The following GABBR1 variants were observed in gnomAD, a reference collection of about 807,000 sequenced individuals.
GABBR1 encodes gamma-aminobutyric acid type B receptor subunit 1, also known as GABA-B receptor, R1 subunit.
Under a neutral mutation model 117.7 loss-of-function variants are expected in GABBR1, and 35 were observed. The observed-to-expected ratio is 0.30, with a 90% confidence interval of 0.23 to 0.39. The LOEUF is 0.39. Among genes scored for constraint, GABBR1 ranks in the 10% least tolerant of loss-of-function variants. The probability of loss-of-function intolerance (pLI) is 1.00; values close to 1 mark genes in which losing one functional copy is unlikely to be tolerated. For missense variants in GABBR1, 709 were observed against 1,241.8 expected (o/e 0.57, Z 6.45); for synonymous variants, 442 against 486.6 (o/e 0.91, Z 1.21).
intron 6 of GABBR1, among the ~76,000 whole-genome samples, chr6:29,625,618 T>C (rs768917968): frequency 2.0e-5 from 3 of 152,176 alleles, no homozygotes; most frequent in East Asian, 1.9e-4. Context: ...CTCATTCCAA[T>C]TGACACATTC....
In GABBR1 at chr6:29,627,870, G is replaced by T; in HGVS notation, c.497-224C>A. On this transcript the variant is annotated intron_variant, in intron 5 of 22. Coordinates refer to ENST00000377034, the MANE Select transcript of GABBR1 (RefSeq NM_001470.4). This position sits in a 1 kb window ranked among gnomAD's most constrained non-coding sequence, Gnocchi z 4.4. ...CTTTTCCTGGGGAGGGCTGCTAAGAGGGTGCCGGGGAGGCGCCTCCATCCC... is the reference window on the plus strand; with the variant it reads ...CTTTTCCTGGGGAGGGCTGCTAAGATGGTGCCGGGGAGGCGCCTCCATCCC... 7.3e-7 allele frequency: 1 copy of T among 1,371,980 alleles called. No homozygotes were observed. Among genetic ancestry groups the T allele is most frequent in the Non-Finnish European group, 9.3e-7 (1 of 1,070,432 alleles). The allele number at this position is 1,371,980 out of a possible 1,614,324, so 85.0% of individuals were successfully genotyped here. A position where few individuals can be genotyped will look rare whatever the true frequency, so the allele number is the denominator to read the frequency against.
At position 29,609,372 on chromosome 6, in the gene GABBR1, G is replaced by A. The variant is rs549986688; in HGVS notation, c.1716C>T (p.Ser572=). 28 of 1,612,846 alleles carry A rather than the reference G, an allele frequency of 1.7e-5. No individual in the cohort carries two copies. Among genetic ancestry groups the A allele is most frequent in the East Asian group, 4.5e-5 (2 of 44,870 alleles). The change falls in exon 15 of 23, where the codon TCC becomes TCT. Residue 572 remains serine (S), a synonymous_variant. Coordinates refer to ENST00000377034, the MANE Select transcript of GABBR1 (RefSeq NM_001470.4). The surrounding 1 kb of genome is among the most constrained non-coding windows in gnomAD (Gnocchi z 4.3). ...TGACCAGGGTCTGGTCAGCTGGGGG[G>A]GACCCTCCTGCATGGCACAGGGGAG... ...WSKTDKWIGG[S]PPADQTLVIK...
intron 14 of GABBR1, among the ~76,000 whole-genome samples, chr6:29,610,101 G>T (rs1762387375): frequency 6.7e-6 from 1 of 149,444 alleles, no homozygotes; most frequent in Non-Finnish European, 1.5e-5. Flanking sequence ...AACTCCAGCA[G>T]TGCTGGGAAT....
chr6:29,609,471 C>T lies in GABBR1; in HGVS notation c.1709-92G>A. On this transcript the variant is annotated intron_variant, in intron 14 of 22. Transcript: ENST00000377034. This position sits in a 1 kb window ranked among gnomAD's most constrained non-coding sequence, Gnocchi z 4.3. ...CGGGATAGGAGAAAAGGGCAAAGAA[C>T]TAGATTGCTGATGGACATTCAGTCA... The T allele has an allele frequency of 9.1e-7, 1 of 1,096,100 alleles. No homozygotes were observed. Among genetic ancestry groups the T allele is most frequent in the Non-Finnish European group, 1.3e-6 (1 of 743,188 alleles). The allele number at this position is 1,096,100 out of a possible 1,614,324, so 67.9% of individuals were successfully genotyped here.
In GABBR1 at chr6:29,621,045, C is replaced by T. The variant is rs1763701294; in HGVS notation, c.1323+56G>A. On this transcript the variant is annotated intron_variant, in intron 11 of 22. Transcript: ENST00000377034. This position sits in a 1 kb window ranked among gnomAD's most constrained non-coding sequence, Gnocchi z 5.0. ...CCTGCCACCCTTTCCCCTGCAAGGCCCCCTCAGTCCTCTCCACCCTCCCAG... is the reference window on the plus strand; with the variant it reads ...CCTGCCACCCTTTCCCCTGCAAGGCTCCCTCAGTCCTCTCCACCCTCCCAG... 2 of 1,498,906 alleles carry T rather than the reference C, an allele frequency of 1.3e-6. No homozygotes were observed. The highest frequency in any genetic ancestry group is 1.8e-6 in the Non-Finnish European group (2 of 1,099,794). 92.9% of individuals were successfully genotyped at this position (1,498,906 alleles called of 1,614,324 possible). A position where few individuals can be genotyped will look rare whatever the true frequency, so the allele number is the denominator to read the frequency against.
rs779555997 is a variant in GABBR1, at chr6:29,612,515, C to A, written c.1630+36G>T. 9 of 1,595,600 alleles carry A rather than the reference C, an allele frequency of 5.6e-6. No homozygotes were observed. The African/African-American group carries it at 8.1e-5, about 14-fold the overall frequency. The stretch of plus-strand genomic sequence containing the variant: ...GCATCCCAGCCCAGCCCCAGCCTAG[C>A]CCCCATGTCCGGTCCCCTCCTGCCC... On this transcript the variant is annotated intron_variant, in intron 13 of 22. Coordinates refer to ENST00000377034, the MANE Select transcript of GABBR1 (RefSeq NM_001470.4).
rs1330145406 is a variant in GABBR1, at chr6:29,605,619, C to T, written c.2389G>A (p.Glu797Lys). ...ACAGCCCGGTGATCATTGATCTTCT[C>T]AGTGGACACACTCTTGGTCTCATAA... ...LAYETKSVST[E>K]KINDHRAVGM... Residue 797 changes from glutamate (E) to lysine (K), a missense_variant, in exon 20 of 23, where the codon GAG becomes AAG. Physicochemically the swap from Glu to Lys is moderately conservative, Grantham distance 56. Coordinates refer to ENST00000377034, the MANE Select transcript of GABBR1 (RefSeq NM_001470.4). The surrounding 1 kb of genome is among the most constrained non-coding windows in gnomAD (Gnocchi z 4.2). 6.2e-7 allele frequency: 1 copy of T among 1,612,986 alleles called. No homozygotes were observed. Among genetic ancestry groups the T allele is most frequent in the Non-Finnish European group, 8.5e-7 (1 of 1,180,022 alleles).
rs935424089 is a variant in GABBR1 at position 29,611,258 on chromosome 6, C to A, written c.1631-257G>T. The A allele has an allele frequency of 2.4e-6, 1 of 415,506 alleles. No homozygotes were observed. Among genetic ancestry groups the A allele is most frequent in the Admixed American group, 3.9e-5 (1 of 25,464 alleles). The allele number at this position is 415,506 out of a possible 1,614,324, so 25.7% of individuals were successfully genotyped here. On this transcript the variant is annotated intron_variant, in intron 13 of 22. Transcript: ENST00000377034. This position sits in a 1 kb window ranked among gnomAD's most constrained non-coding sequence, Gnocchi z 4.6. Reference sequence around the variant, plus strand: ...AAAAGTCTTCAGTGAGGAGGCTCCACAACATGTCTGCCACCTATTCCATTC... The same window carrying A: ...AAAAGTCTTCAGTGAGGAGGCTCCAAAACATGTCTGCCACCTATTCCATTC...
chr6:29,630,673 G>A lies in GABBR1; in HGVS notation c.290-30C>T, dbSNP rs1277492289. ...GGAGAGATAGGAAAATAAGAAGAGA[G>A]GCGAGTTGAAGAAGGCTCTTTCCCT... On this transcript the variant is annotated intron_variant, in intron 3 of 22. Transcript: ENST00000377034. The surrounding 1 kb of genome is among the most constrained non-coding windows in gnomAD (Gnocchi z 4.9). 2 of 1,584,250 alleles carry A rather than the reference G, an allele frequency of 1.3e-6. No homozygotes were observed. Among genetic ancestry groups the A allele is most frequent in the African/African-American group, 1.3e-5 (1 of 74,256 alleles).
At chr6:29,610,536 C>T (rs1431130103) in intron 14 of GABBR1, among the ~76,000 whole-genome samples, 3 of 152,000 alleles carry the variant, frequency 2.0e-5, no homozygotes, top group Admixed American at 2.0e-4. Flanking sequence ...TTTAAGCAAC[C>T]GTTTTCCTGA....
rs1761826382 is a variant in GABBR1 at position 29,605,207 on chromosome 6, G to A, written c.2440-219C>T. 1 of 587,790 alleles carries A rather than the reference G, an allele frequency of 1.7e-6. No homozygotes were observed. Among genetic ancestry groups the A allele is most frequent in the African/African-American group, 1.9e-5 (1 of 53,760 alleles). 36.4% of individuals were successfully genotyped at this position (587,790 alleles called of 1,614,324 possible). ...TTGGTTAACCCCTCCCCTCAAGGCA[G>A]GAACTCCCAGGATCTCTATGCACAG... On this transcript the variant is annotated intron_variant, in intron 20 of 22. Transcript: ENST00000377034. The surrounding 1 kb of genome is among the most constrained non-coding windows in gnomAD (Gnocchi z 4.2).
rs1762065818 is a variant in GABBR1, at chr6:29,607,331, A to ATGG, written c.1993-116_1993-114dup. 2 of 807,120 alleles carry ATGG rather than the reference A, an allele frequency of 2.5e-6. No individual in the cohort carries two copies. Among genetic ancestry groups the ATGG allele is most frequent in the Non-Finnish European group, 4.2e-6 (2 of 476,218 alleles). The allele number at this position is 807,120 out of a possible 1,614,324, so 50.0% of individuals were successfully genotyped here. A position where few individuals can be genotyped will look rare whatever the true frequency, so the allele number is the denominator to read the frequency against. On this transcript the variant is annotated intron_variant, in intron 16 of 22. Coordinates refer to ENST00000377034, the MANE Select transcript of GABBR1 (RefSeq NM_001470.4). This position sits in a 1 kb window ranked among gnomAD's most constrained non-coding sequence, Gnocchi z 5.0. ...GGCAGGGAGCACGGGCAGGGAGCTC[A>ATGG]TGGTGGCACAGGGAGGATGCGAAAA... is the stretch of plus-strand genomic sequence containing the variant.
At chr6:29,619,236 C>G (rs537540992) in intron 11 of GABBR1, among the ~76,000 whole-genome samples, 1 of 152,340 alleles carries the variant, frequency 6.6e-6, no homozygotes, top group East Asian at 1.9e-4. Flanking sequence ...GTCTCCATGG[C>G]TCCGGCCCCC....
chr6:29,627,454 C>CCCCA lies in GABBR1; in HGVS notation c.657+31_657+32insTGGG. On this transcript the variant is annotated intron_variant, in intron 6 of 22. Transcript: ENST00000377034. This position sits in a 1 kb window ranked among gnomAD's most constrained non-coding sequence, Gnocchi z 4.4. ...GCTGGCCCCCTGCCCCGCAAGCCCC[C>CCCCA]ACCTCCCACCCACCCCCATGTCCAG... is the stretch of plus-strand genomic sequence containing the variant. 1.8e-5 allele frequency: 24 copies of CCCCA among 1,350,372 alleles called. No homozygotes were observed. Among genetic ancestry groups the CCCCA allele is most frequent in the Non-Finnish European group, 2.3e-5 (22 of 968,588 alleles). 83.6% of individuals were successfully genotyped at this position (1,350,372 alleles called of 1,614,324 possible).
At chr6:29,628,100 G>A in intron 5 of GABBR1, 1 of 457,128 alleles carries the variant, frequency 2.2e-6, no homozygotes, top group Non-Finnish European at 2.8e-6. Flanking sequence ...CGGCAGCGGG[G>A]GGTGGGGGGG....
Position 29,609,920 on chromosome 6 carries a change from G to A in GABBR1, c.1709-541C>T, listed in dbSNP as rs1188553657. 2.0e-5 allele frequency among the ~76,000 whole-genome samples: 3 copies of A among 151,204 alleles called. No individual in the cohort carries two copies. Among genetic ancestry groups the A allele is most frequent in the South Asian group, 2.1e-4 (1 of 4,786 alleles). On this transcript the variant is annotated intron_variant, in intron 14 of 22. Coordinates refer to ENST00000377034, the MANE Select transcript of GABBR1 (RefSeq NM_001470.4). This position sits in a 1 kb window ranked among gnomAD's most constrained non-coding sequence, Gnocchi z 4.3. ...CTGGCAGGGTAATATTCCCAAATAT[G>A]TTTTCCAGTTATTATTAGGGGGAAG...
Position 29,605,221 on chromosome 6 carries a change from C to T in GABBR1, c.2440-233G>A, listed in dbSNP as rs1301779935. On this transcript the variant is annotated intron_variant, in intron 20 of 22. Coordinates refer to ENST00000377034, the MANE Select transcript of GABBR1 (RefSeq NM_001470.4). This position sits in a 1 kb window ranked among gnomAD's most constrained non-coding sequence, Gnocchi z 4.2. ...CCCTCAAGGCAGGAACTCCCAGGAT[C>T]TCTATGCACAGATTCCGGGTCCTCC... 1.7e-6 allele frequency: 1 copy of T among 576,806 alleles called. No homozygotes were observed. The highest frequency in any genetic ancestry group is 3.5e-5 in the Admixed American group (1 of 28,872). 35.7% of individuals were successfully genotyped at this position (576,806 alleles called of 1,614,324 possible).
At position 29,605,495 on chromosome 6, in the gene GABBR1, G is replaced by GATTC; in HGVS notation, c.2439+70_2439+73dup. 6.5e-7 allele frequency: 1 copy of GATTC among 1,542,488 alleles called. No homozygotes were observed. Among genetic ancestry groups the GATTC allele is most frequent in the Non-Finnish European group, 8.8e-7 (1 of 1,134,232 alleles). ...AGCAACCGATCCCAGATCTAGCATT[G>GATTC]ATTCTTCCTAGTCCTCTATATCTGG... is the stretch of plus-strand genomic sequence containing the variant. On this transcript the variant is annotated intron_variant, in intron 20 of 22. Coordinates refer to ENST00000377034, the MANE Select transcript of GABBR1 (RefSeq NM_001470.4). This position sits in a 1 kb window ranked among gnomAD's most constrained non-coding sequence, Gnocchi z 4.2.
chr6:29,616,201 C>CAA (rs879657173), intron 11 of GABBR1, among the ~76,000 whole-genome samples: 2 of 141,384 alleles, frequency 1.4e-5, no homozygotes, highest in South Asian at 2.2e-4. Flanking sequence ...AACTCTGTCT[C>CAA]AAAAAAAAAA....
Sources: allele counts gnomAD v4.1 joint callset (sites outside exome capture counted in the v4.1 genomes callset), GRCh38; gene constraint gnomAD v4.1.1; non-coding constraint Gnocchi (gnomAD v3.1); transcripts MANE v1.5; gene names NCBI Gene and HGNC (gene_info 2026-07-23, HGNC 2026-07-21).